Variants in KAZN observed in about 807,000 individuals in gnomAD.
The protein encoded by KAZN is kazrin.
In KAZN, 40 loss-of-function variants were observed where a neutral mutation model predicts 87.4. That is an observed-to-expected ratio of 0.46 (90% CI 0.36 to 0.60). The LOEUF (loss-of-function observed/expected upper bound fraction) is 0.60, where lower values mean the gene tolerates loss of function less well. KAZN is among the 20% of genes least tolerant of loss of function. The probability of loss-of-function intolerance (pLI) is 0.00; values close to 1 mark genes in which losing one functional copy is unlikely to be tolerated. For synonymous variants in KAZN, 466 were observed against 458.3 expected (o/e 1.02, Z -0.22); for missense variants, 898 against 1,073.9 (o/e 0.84, Z 2.29).
chr1:14,955,931 A>C (rs1181856091), intron 1 of KAZN, among the ~76,000 whole-genome samples: 1 of 152,242 alleles, frequency 6.6e-6, no homozygotes, highest in Non-Finnish European at 1.5e-5. Flanking sequence ...ATTAAACACA[A>C]GATGCCCAGT....
At chr1:13,906,437 T>C (rs1639439488) in intron 1 of KAZN, among the ~76,000 whole-genome samples, 1 of 152,112 alleles carries the variant, frequency 6.6e-6, no homozygotes, top group Admixed American at 6.5e-5. Flanking sequence ...TAGGTGCTTA[T>C]AGGTGTGAGG....
chr1:14,515,730 C>A (rs867422436), intron 2 of KAZN, among the ~76,000 whole-genome samples: 2 of 152,168 alleles, frequency 1.3e-5, no homozygotes, highest in Non-Finnish European at 2.9e-5. Context: ...CTCACCAAGT[C>A]TTTGTGACTG....
At chr1:14,720,956 T>G (rs1643067540) in intron 1 of KAZN, among the ~76,000 whole-genome samples, 1 of 152,208 alleles carries the variant, frequency 6.6e-6, no homozygotes, top group African/African-American at 2.4e-5. Flanking sequence ...TGCCATCAGG[T>G]GACCTGATGA....
intron 2 of KAZN, among the ~76,000 whole-genome samples, chr1:14,397,126 C>T (rs1052967654): frequency 3.9e-5 from 6 of 152,176 alleles, no homozygotes; most frequent in Non-Finnish European, 7.3e-5. Context: ...CTCTCTGTAG[C>T]TATAGTCTTT....
At chr1:14,665,024 C>T (rs1317783054) in intron 1 of KAZN, among the ~76,000 whole-genome samples, 2 of 152,186 alleles carry the variant, frequency 1.3e-5, no homozygotes, top group African/African-American at 4.8e-5. Context: ...GAACCAACAG[C>T]ACAAATGATC....
At chr1:15,079,303 C>T (rs1573263846) in intron 8 of KAZN, among the ~76,000 whole-genome samples, 1 of 152,086 alleles carries the variant, frequency 6.6e-6, no homozygotes, top group Non-Finnish European at 1.5e-5. Flanking sequence ...AGGGAGGGGG[C>T]TCATTCAAGC....
intron 2 of KAZN, among the ~76,000 whole-genome samples, chr1:14,514,417 T>A (rs374335263): frequency 0.16 from 1,704 of 10,608 alleles, 541 homozygotes; most frequent in African/African-American, 0.28. Context: ...AATATATAAA[T>A]ATATATATAA....
At chr1:14,739,505 T>A (rs1644018974) in intron 1 of KAZN, among the ~76,000 whole-genome samples, 1 of 152,006 alleles carries the variant, frequency 6.6e-6, no homozygotes, top group African/African-American at 2.4e-5. Flanking sequence ...TGCCCAAAAC[T>A]CCTTCATAAG....
chr1:14,059,364 CCA>C (rs1642698619), intron 1 of KAZN, among the ~76,000 whole-genome samples: 1 of 152,118 alleles, frequency 6.6e-6, no homozygotes, highest in African/African-American at 2.4e-5. Flanking sequence ...GGTGCAAGTC[CCA>C]GAGTCCAGAG....
intron 2 of KAZN, among the ~76,000 whole-genome samples, chr1:14,271,673 T>C (rs1460278959): frequency 6.6e-6 from 1 of 152,222 alleles, no homozygotes; most frequent in Non-Finnish European, 1.5e-5. Context: ...GTCAATATGA[T>C]CCTTCATCTC....
intron 1 of KAZN, among the ~76,000 whole-genome samples, chr1:14,638,949 C>A (rs1265625638): frequency 6.6e-6 from 1 of 152,190 alleles, no homozygotes; most frequent in East Asian, 1.9e-4. Flanking sequence ...AGCTCAACAC[C>A]CTTCAGTGGC....
intron 1 of KAZN, among the ~76,000 whole-genome samples, chr1:14,710,495 C>A (rs1392730579): frequency 6.6e-6 from 1 of 152,296 alleles, no homozygotes; most frequent in Non-Finnish European, 1.5e-5. Flanking sequence ...CAACATCCCT[C>A]TCACCACTGC....
intron 1 of KAZN, among the ~76,000 whole-genome samples, chr1:14,033,575 C>A (rs906030170): frequency 5.3e-5 from 8 of 152,164 alleles, no homozygotes; most frequent in Non-Finnish European, 1.5e-5. Flanking sequence ...GAACTTGTGA[C>A]TTTATTTTGT....
At chr1:14,906,615 A>G (rs892624049) in intron 1 of KAZN, among the ~76,000 whole-genome samples, 2 of 152,036 alleles carry the variant, frequency 1.3e-5, no homozygotes, top group Non-Finnish European at 2.9e-5. Flanking sequence ...CACAAAACAT[A>G]TAAAGGGAAT....
Position 14,850,927 on chromosome 1 carries a change from G to A in KAZN, c.227-109757G>A, listed in dbSNP as rs562094337. 7.2e-5 allele frequency among the ~76,000 whole-genome samples: 11 copies of A among 152,316 alleles called. No individual in the cohort carries two copies. In the South Asian group the frequency reaches 2.3e-3, roughly 32 times the overall value. On this transcript the variant is annotated intron_variant, in intron 1 of 14. Transcript: ENST00000376030. ...AAGGAAACCTATTTCTCCATTTGGG[G>A]TGTGGTTCCGAGGGCCTGCTCACAG...
chr1:14,992,995 T>TC (rs1200381554), intron 2 of KAZN, among the ~76,000 whole-genome samples: 2 of 144,832 alleles, frequency 1.4e-5, no homozygotes, highest in African/African-American at 2.8e-5. Context: ...TTACCACAAT[T>TC]TTTTTTTTTC....
intron 2 of KAZN, among the ~76,000 whole-genome samples, chr1:14,489,441 C>T (rs182538935): frequency 1.2e-4 from 19 of 152,006 alleles, no homozygotes; most frequent in Non-Finnish European, 7.4e-5. Flanking sequence ...TTGAATACAC[C>T]GTTTTGGGCT....
At chr1:15,048,695 GTTGATCC>G (rs1673903887) in intron 4 of KAZN, among the ~76,000 whole-genome samples, 2 of 144,854 alleles carry the variant, frequency 1.4e-5, no homozygotes, top group Non-Finnish European at 1.5e-5. Flanking sequence ...GTCCTGGGTC[GTTGATCC>G]TTGGTCGTTG....
At chr1:14,039,827 T>A (rs1641722543) in intron 1 of KAZN, among the ~76,000 whole-genome samples, 1 of 152,220 alleles carries the variant, frequency 6.6e-6, no homozygotes, top group African/African-American at 2.4e-5. Context: ...CAGATAACTG[T>A]GGATTATCTA....
Sources: gnomAD v4.1 joint callset for allele counts (sites outside exome capture counted in the v4.1 genomes callset) on GRCh38, gnomAD v4.1.1 for gene constraint, MANE v1.5 for transcripts, NCBI Gene and HGNC (gene_info 2026-07-23, HGNC 2026-07-21) for gene names.